The following CCDC170 variants were observed in gnomAD, a reference collection of about 807,000 sequenced individuals.
CCDC170 encodes the protein coiled-coil domain-containing protein 170.
CCDC170 carries 69 observed loss-of-function variants against 72.6 expected under a neutral mutation model. The observed-to-expected ratio is 0.95, with a 90% CI of 0.78 to 1.16. The LOEUF is 1.16. Ranked by LOEUF, CCDC170 falls within the 50% of genes most tolerant of loss-of-function variation. The pLI, the probability that CCDC170 is intolerant of heterozygous loss-of-function variation, is 0.00. For missense variants in CCDC170, 852 were observed against 832.5 expected (o/e 1.02, Z -0.29); for synonymous variants, 300 against 303.9 (o/e 0.99, Z 0.13).
chr6:151,618,738 C>T lies in CCDC170; in HGVS notation c.*591C>T, dbSNP rs6906130. The T allele has an allele frequency of 0.56, 86,504 of 154,018 alleles. 25,575 individuals carry two copies. The highest frequency in any genetic ancestry group is 0.75 in the African/African-American group (31,033 of 41,492). The allele number at this position is 154,018 out of a possible 1,614,324, so 9.5% of individuals were successfully genotyped here. On this transcript the variant is annotated 3_prime_UTR_variant, in exon 11 of 11. Coordinates refer to ENST00000239374, the MANE Select transcript of CCDC170 (RefSeq NM_025059.4). ...CGTGAGTTAATGTCCGGGCTGGTCA[C>T]AGTGGTTCATGCCTGTAATCCCAGC...
chr6:151,494,070 C>T lies in CCDC170; in HGVS notation c.-59C>T. ...ACCCGCGCCACCCGCCGGCTCCCGG[C>T]GCCGCCGCTTCCTCAGGGCCGGTTC... is the stretch of plus-strand genomic sequence containing the variant. On this transcript the variant is annotated 5_prime_UTR_variant, in exon 1 of 11. Transcript: ENST00000239374. 2 of 1,428,486 alleles carry T rather than the reference C, an allele frequency of 1.4e-6. No homozygotes were observed. The highest frequency in any genetic ancestry group is 2.9e-5 in the Admixed American group (1 of 34,532). 88.5% of individuals were successfully genotyped at this position (1,428,486 alleles called of 1,614,324 possible).
Position 151,620,610 on chromosome 6 carries a change from G to T in CCDC170, c.*2463G>T, listed in dbSNP as rs1013329501. 1 of 152,158 alleles carries T rather than the reference G, an allele frequency of 6.6e-6. No homozygotes were observed. The highest frequency in any genetic ancestry group is 2.4e-5 in the African/African-American group (1 of 41,434). 9.4% of individuals were successfully genotyped at this position (152,158 alleles called of 1,614,324 possible). On this transcript the variant is annotated 3_prime_UTR_variant, in exon 11 of 11. Transcript: ENST00000239374. The stretch of plus-strand genomic sequence containing the variant: ...AGGCTCTCGGAGCTTGAGTGGCTCT[G>T]CCCCACCCTGAATCATGCACCCATA...
At chr6:151,508,780 C>T (rs1295564823) in intron 1 of CCDC170, among the ~76,000 whole-genome samples, 1 of 151,882 alleles carries the variant, frequency 6.6e-6, no homozygotes, top group African/African-American at 2.4e-5. Context: ...CTTTGGGAGC[C>T]TGAGGCAGGT....
chr6:151,503,721 G>A (rs927321570), intron 1 of CCDC170, among the ~76,000 whole-genome samples: 1 of 152,096 alleles, frequency 6.6e-6, no homozygotes, highest in Non-Finnish European at 1.5e-5. Context: ...CCAAAGTGCT[G>A]GGATTACAAG....
chr6:151,598,885 G>A (rs757991015), intron 9 of CCDC170, among the ~76,000 whole-genome samples: 7 of 152,206 alleles, frequency 4.6e-5, no homozygotes, highest in Non-Finnish European at 1.0e-4. Flanking sequence ...CATTGCACCA[G>A]CTGCTCCTGA....
chr6:151,604,707 T>C (rs1776758828), intron 9 of CCDC170, among the ~76,000 whole-genome samples: 1 of 152,144 alleles, frequency 6.6e-6, no homozygotes, highest in African/African-American at 2.4e-5. Context: ...AATCTGAACA[T>C]TCATCTTTGA....
At chr6:151,596,232 C>T (rs373842195) in intron 8 of CCDC170, 103 bp from the exon 9 acceptor site, 2 of 1,302,018 alleles carry the variant, frequency 1.5e-6, no homozygotes, top group African/African-American at 3.0e-5. Flanking sequence ...TTACAAATTA[C>T]TCTTATTGAG....
At chr6:151,553,378 A>G (rs192668688) in intron 5 of CCDC170, among the ~76,000 whole-genome samples, 1 of 152,306 alleles carries the variant, frequency 6.6e-6, no homozygotes, top group East Asian at 1.9e-4. Flanking sequence ...ACTATTTATT[A>G]GTCAGTGGAA....
chr6:151,527,034 A>G (rs906960615), intron 1 of CCDC170, among the ~76,000 whole-genome samples: 11 of 139,064 alleles, frequency 7.9e-5, no homozygotes, highest in Non-Finnish European at 1.5e-4. Flanking sequence ...AGAGGTGTGC[A>G]CCACCATGCT....
chr6:151,531,332 G>A (rs1397172590), intron 1 of CCDC170, among the ~76,000 whole-genome samples: 2 of 152,208 alleles, frequency 1.3e-5, no homozygotes, highest in Non-Finnish European at 2.9e-5. Context: ...GCCAGGCATG[G>A]TGGCTCACAC....
At chr6:151,505,097 G>A (rs1428149219) in intron 1 of CCDC170, among the ~76,000 whole-genome samples, 2 of 152,106 alleles carry the variant, frequency 1.3e-5, no homozygotes, top group African/African-American at 2.4e-5. Flanking sequence ...GGTGGCCCGC[G>A]GAGCTGCCCG....
intron 9 of CCDC170, among the ~76,000 whole-genome samples, chr6:151,601,864 T>C (rs1319810343): frequency 6.6e-6 from 1 of 152,226 alleles, no homozygotes; most frequent in Non-Finnish European, 1.5e-5. Context: ...TTTGACCAAG[T>C]ATCTGGGCAT....
At chr6:151,614,846 C>A (rs1375742152) in intron 9 of CCDC170, among the ~76,000 whole-genome samples, 1 of 152,096 alleles carries the variant, frequency 6.6e-6, no homozygotes, top group Non-Finnish European at 1.5e-5. Flanking sequence ...TGTGTTTTGG[C>A]TTTAAGATCT....
intron 1 of CCDC170, among the ~76,000 whole-genome samples, chr6:151,495,377 G>T (rs938822857): frequency 1.3e-5 from 2 of 151,820 alleles, no homozygotes; most frequent in East Asian, 3.9e-4. Context: ...TAAGTATGTG[G>T]TATTTTTATA....
At position 151,526,095 on chromosome 6, in the gene CCDC170, T is replaced by TCTTC. The variant is rs202097692; in HGVS notation, c.58-10203_58-10200dup. ...TCCTTCCTTCCTTCCTTCCTTCCTT[T>TCTTC]CTTCCTTCCTTCCTTCCTTCCTTTC... On this transcript the variant is annotated intron_variant, in intron 1 of 10. Coordinates refer to ENST00000239374, the MANE Select transcript of CCDC170 (RefSeq NM_025059.4). Among the ~76,000 whole-genome samples the TCTTC allele has an allele frequency of 2.3e-3, 341 of 145,694 alleles. 2 individuals carry two copies. The highest frequency in any genetic ancestry group is 7.5e-3 in the African/African-American group (279 of 37,416).
At chr6:151,534,684 A>G (rs1242450630) in intron 1 of CCDC170, among the ~76,000 whole-genome samples, 2 of 152,226 alleles carry the variant, frequency 1.3e-5, no homozygotes, top group Admixed American at 6.5e-5. Flanking sequence ...ATTGGCAAAC[A>G]GTAGCTATTA....
intron 1 of CCDC170, among the ~76,000 whole-genome samples, chr6:151,498,669 A>AT (rs1473491793): frequency 2.0e-5 from 3 of 152,124 alleles, no homozygotes; most frequent in Non-Finnish European, 4.4e-5. Flanking sequence ...GTATTTAACT[A>AT]TTCTAGGCAT....
intron 1 of CCDC170, among the ~76,000 whole-genome samples, chr6:151,501,846 A>AT (rs1229400300): frequency 2.6e-5 from 4 of 152,080 alleles, no homozygotes; most frequent in Non-Finnish European, 5.9e-5. Context: ...GGACAACTTG[A>AT]TTTTTTTTAA....
chr6:151,522,722 C>T (rs1782341445), intron 1 of CCDC170, among the ~76,000 whole-genome samples: 1 of 152,160 alleles, frequency 6.6e-6, no homozygotes, highest in Admixed American at 6.5e-5. Context: ...ACTTGCCTTG[C>T]TGAGAATTAA....
Sources: gnomAD v4.1 joint callset for allele counts (sites outside exome capture counted in the v4.1 genomes callset) on GRCh38, gnomAD v4.1.1 for gene constraint, MANE v1.5 for transcripts, NCBI Gene and HGNC (gene_info 2026-07-23, HGNC 2026-07-21) for gene names.